Variants in CENPP observed in about 807,000 individuals in gnomAD.
CENPP encodes the protein centromere protein P.
CENPP carries 24 observed loss-of-function variants against 35.6 expected under a neutral mutation model. The ratio of observed to expected loss-of-function variants is 0.67; its 90% confidence interval spans 0.49 to 0.95. The LOEUF is 0.95. CENPP is among the 40% of genes least tolerant of loss of function. The pLI, the probability that CENPP is intolerant of heterozygous loss-of-function variation, is 0.00. For synonymous variants in CENPP, 120 were observed against 125.5 expected, an observed-to-expected ratio of 0.96 and a Z score of 0.29; for missense variants, 332 against 345.3, an observed-to-expected ratio of 0.96 and a Z score of 0.31.
chr9:92,560,981 A>T (rs1485503161), intron 5 of CENPP, among the ~76,000 whole-genome samples: 1 of 149,094 alleles, frequency 6.7e-6, no homozygotes, highest in African/African-American at 2.5e-5. Context: ...CTCCACCATG[A>T]CCTTTGTCCA....
intron 5 of CENPP, chr9:92,517,319 G>A (rs554634307): frequency 6.1e-5 from 19 of 309,976 alleles, no homozygotes; most frequent in African/African-American, 3.3e-4. Context: ...ATAAAGGCAC[G>A]TTGCACTGGA....
intron 5 of CENPP, among the ~76,000 whole-genome samples, chr9:92,446,685 C>A (rs1022236451): frequency 8.6e-5 from 13 of 151,696 alleles, no homozygotes; most frequent in African/African-American, 3.1e-4. Context: ...AGCATGTTAG[C>A]TTTGGGGAGG....
chr9:92,390,982 A>C (rs777306404), intron 5 of CENPP, among the ~76,000 whole-genome samples: 9 of 152,166 alleles, frequency 5.9e-5, no homozygotes, highest in Non-Finnish European at 1.2e-4. Context: ...CAGCAAAATC[A>C]GGCCAGGTGT....
intron 5 of CENPP, among the ~76,000 whole-genome samples, chr9:92,448,224 G>A (rs868103967): frequency 6.6e-6 from 1 of 152,062 alleles, no homozygotes; most frequent in Middle Eastern, 3.4e-3. Context: ...CGTGGGAGAT[G>A]GAGTTAGTAC....
intron 5 of CENPP, chr9:92,496,449 C>A (rs201652423): frequency 6.2e-7 from 1 of 1,607,322 alleles, no homozygotes. Context: ...TCATCATCCT[C>A]TTCAGCATTG....
intron 5 of CENPP, chr9:92,610,921 A>G (rs1851220544): frequency 4.4e-6 from 1 of 228,306 alleles, no homozygotes; most frequent in Admixed American, 5.3e-5. Flanking sequence ...GCTGCTTTCC[A>G]GCAAAGAGCC....
intron 5 of CENPP, among the ~76,000 whole-genome samples, chr9:92,420,314 A>G (rs892598582): frequency 1.3e-5 from 2 of 152,098 alleles, no homozygotes; most frequent in African/African-American, 4.8e-5. Context: ...CTTCTTACCA[A>G]CTTAGACCCC....
chr9:92,452,618 A>T lies in CENPP; in HGVS notation c.564+72759A>T, dbSNP rs1296460883. ...TCAGGATGATGCTGGCCTCATAAAA[A>T]GAGTTAGGGAGGATTCCCTCTTTTT... On this transcript the variant is annotated intron_variant, in intron 5 of 7. Transcript: ENST00000375587. Among the ~76,000 whole-genome samples, 9 of 152,140 alleles carry T rather than the reference A, an allele frequency of 5.9e-5. No individual in the cohort carries two copies. The East Asian group carries it at 1.2e-3, about 20-fold the overall frequency.
chr9:92,385,621 TA>T, intron 5 of CENPP: 1 of 1,613,566 alleles, frequency 6.2e-7, no homozygotes, highest in Non-Finnish European at 8.5e-7. Flanking sequence ...CAATAGAGGT[TA>T]AAAGTATGAC....
intron 5 of CENPP, among the ~76,000 whole-genome samples, chr9:92,601,352 G>T (rs868555009): frequency 4.6e-5 from 7 of 152,316 alleles, no homozygotes; most frequent in African/African-American, 1.7e-4. Flanking sequence ...GTCGGACGCT[G>T]TGTCAGTGAG....
chr9:92,386,396 C>T (rs1842423312), intron 5 of CENPP: 9 of 724,296 alleles, frequency 1.2e-5, no homozygotes, highest in Non-Finnish European at 1.7e-5. Flanking sequence ...TCTATATATA[C>T]AGACTTGCAT....
intron 5 of CENPP, among the ~76,000 whole-genome samples, chr9:92,547,711 C>G (rs1289498886): frequency 6.6e-6 from 1 of 152,080 alleles, no homozygotes; most frequent in East Asian, 1.9e-4. Flanking sequence ...TATGGAGTGA[C>G]TAAAATGTTC....
intron 5 of CENPP, among the ~76,000 whole-genome samples, chr9:92,533,319 AAAAAAAAAAATATATAT>A (rs1431834782): frequency 9.7e-6 from 1 of 103,512 alleles, no homozygotes; most frequent in African/African-American, 3.8e-5. Flanking sequence ...AAAAAAAAAA[AAAAAAAAAAATATATAT>A]ATATATATAT....
At position 92,582,030 on chromosome 9, in the gene CENPP, G is replaced by GTGTTTTGTTTTGTTT. The variant is rs56879645; in HGVS notation, c.565-29256_565-29242dup. On this transcript the variant is annotated intron_variant, in intron 5 of 7. Coordinates refer to ENST00000375587, the MANE Select transcript of CENPP (RefSeq NM_001012267.3). ...TAACACAGGGGAAAAACACTTGGTGGTGTTTTGTTTTGTTTTGTTTTGTTT... is the reference window on the plus strand; with the variant it reads ...TAACACAGGGGAAAAACACTTGGTGGTGTTTTGTTTTGTTTTGTTTTGTTTTGTTTTGTTTTGTTT... Among the ~76,000 whole-genome samples, 211 of 149,644 alleles carry GTGTTTTGTTTTGTTT rather than the reference G, an allele frequency of 1.4e-3. 1 individual carries two copies. Among genetic ancestry groups the GTGTTTTGTTTTGTTT allele is most frequent in the African/African-American group, 4.2e-3 (168 of 40,132 alleles).
chr9:92,413,918 A>G (rs552883349), intron 5 of CENPP, among the ~76,000 whole-genome samples: 22 of 152,326 alleles, frequency 1.4e-4, no homozygotes, highest in African/African-American at 5.1e-4. Context: ...AAGACTTGCA[A>G]GCTTGAAAAC....
At chr9:92,561,488 A>T (rs113487399) in intron 5 of CENPP, among the ~76,000 whole-genome samples, 1,693 of 152,338 alleles carry the variant, frequency 0.011, 35 homozygotes, top group African/African-American at 0.038. Context: ...GTCTAAACCA[A>T]CCTGTTTTAA....
At chr9:92,466,650 T>G in intron 5 of CENPP, 1 of 1,224,378 alleles carries the variant, frequency 8.2e-7, no homozygotes, top group African/African-American at 1.5e-5. Context: ...TAGCCAATGA[T>G]GGAAATCAGT....
intron 5 of CENPP, among the ~76,000 whole-genome samples, chr9:92,578,596 T>G (rs1421319694): frequency 3.9e-5 from 6 of 152,244 alleles, no homozygotes; most frequent in Non-Finnish European, 7.3e-5. Flanking sequence ...CATAAATGTC[T>G]TCTTTTGAGA....
At chr9:92,367,284 A>G (rs1427808584) in intron 4 of CENPP, among the ~76,000 whole-genome samples, 2 of 152,090 alleles carry the variant, frequency 1.3e-5, no homozygotes, top group East Asian at 3.9e-4. Context: ...CTCCTGCCTC[A>G]GCCTCCCGAG....
Sources: gnomAD v4.1 joint callset for allele counts (sites outside exome capture counted in the v4.1 genomes callset) on GRCh38, gnomAD v4.1.1 for gene constraint, MANE v1.5 for transcripts, NCBI Gene and HGNC (gene_info 2026-07-23, HGNC 2026-07-21) for gene names.